NFX1: variants seen among roughly 807,000 people sequenced by gnomAD.
NFX1 encodes the protein nuclear transcription factor, X-box binding 1.
A neutral mutation model predicts 137.2 loss-of-function variants in NFX1; 69 were observed. The observed-to-expected ratio is 0.50, with a 90% CI of 0.41 to 0.61. NFX1 has a LOEUF of 0.61. Ranked by LOEUF, NFX1 falls within the 20% of genes least tolerant of loss-of-function variation. The pLI is 0.00. For missense variants in NFX1, 1,167 were observed against 1,391.0 expected, an observed-to-expected ratio of 0.84 and a Z score of 2.56; for synonymous variants, 495 against 474.1, an observed-to-expected ratio of 1.04 and a Z score of -0.57.
chr9:33,305,670 G>T (rs1413991433), intron 4 of NFX1, among the ~76,000 whole-genome samples: 1 of 152,200 alleles, frequency 6.6e-6, no homozygotes, highest in African/African-American at 2.4e-5. Context: ...AAAATATGGT[G>T]TTAGGTTGAT....
chr9:33,359,436 T>C (rs1053398194), intron 19 of NFX1, among the ~76,000 whole-genome samples: 3 of 151,934 alleles, frequency 2.0e-5, no homozygotes, highest in African/African-American at 7.2e-5. Flanking sequence ...CTGTCTCTAC[T>C]AAAAATACAA....
chr9:33,346,075 AC>A lies in NFX1; in HGVS notation c.2345-962del, dbSNP rs773104865. 7.7e-4 allele frequency among the ~76,000 whole-genome samples: 118 copies of A among 152,356 alleles called. 1 individual carries two copies. The highest frequency in any genetic ancestry group is 1.6e-3 in the Admixed American group (25 of 15,298). On this transcript the variant is annotated intron_variant, in intron 14 of 23. Transcript: ENST00000379540. The stretch of plus-strand genomic sequence containing the variant: ...AGTTAATGGAGTAAAACAGAACTTA[AC>A]AAATTCTTCATTAAGTGGAATGTTC...
At chr9:33,358,345 C>T (rs1311301793) in intron 19 of NFX1, among the ~76,000 whole-genome samples, 1 of 152,118 alleles carries the variant, frequency 6.6e-6, no homozygotes, top group Non-Finnish European at 1.5e-5. Context: ...AGGACAGTCT[C>T]AATCTCCTGA....
intron 11 of NFX1, among the ~76,000 whole-genome samples, chr9:33,336,462 C>T (rs1026752512): frequency 2.0e-5 from 3 of 152,172 alleles, no homozygotes; most frequent in African/African-American, 7.2e-5. Context: ...GATCCGCCTG[C>T]CTCAGCCTCT....
intron 7 of NFX1, among the ~76,000 whole-genome samples, chr9:33,314,193 A>G (rs1188201360): frequency 2.0e-5 from 3 of 151,942 alleles, no homozygotes; most frequent in Non-Finnish European, 4.4e-5. Context: ...AATGTTGGCC[A>G]GGCTGGTCTT....
intron 2 of NFX1, among the ~76,000 whole-genome samples, chr9:33,296,915 A>G (rs1354213997): frequency 1.3e-5 from 2 of 152,348 alleles, no homozygotes; most frequent in South Asian, 2.1e-4. Context: ...AAGCTCCTTA[A>G]AAACAGACAC....
chr9:33,316,859 A>C (rs1463068616), intron 7 of NFX1, among the ~76,000 whole-genome samples: 1 of 152,100 alleles, frequency 6.6e-6, no homozygotes, highest in African/African-American at 2.4e-5. Flanking sequence ...AGATTTTTTC[A>C]TCAGGAACTC....
At chr9:33,321,762 C>G (rs1822392805) in intron 9 of NFX1, among the ~76,000 whole-genome samples, 4 of 151,954 alleles carry the variant, frequency 2.6e-5, no homozygotes. Flanking sequence ...GCCTGTGGTC[C>G]CAGCTACTTG....
intron 5 of NFX1, among the ~76,000 whole-genome samples, chr9:33,310,721 C>T (rs751986608): frequency 2.6e-5 from 4 of 152,200 alleles, no homozygotes; most frequent in Non-Finnish European, 5.9e-5. Context: ...TTTGCTTAGA[C>T]TCTGATCTTC....
intron 1 of NFX1, among the ~76,000 whole-genome samples, chr9:33,290,917 C>T (rs1017241270): frequency 2.6e-5 from 4 of 152,200 alleles, no homozygotes; most frequent in African/African-American, 7.2e-5. Context: ...GGGCGTCGGC[C>T]AGGTCACAGC....
At chr9:33,354,249 A>T (rs1037212071) in intron 18 of NFX1, 62 bp downstream of exon 18, 17 of 1,298,178 alleles carry the variant, frequency 1.3e-5, no homozygotes, top group African/African-American at 7.4e-5. Context: ...TAGAGGGCAG[A>T]GATTATTCAT....
Position 33,307,201 on chromosome 9 carries a change from A to G in NFX1, c.1278A>G (p.Val426=), listed in dbSNP as rs1821784462. ...PNTYTCFCGK[V]KNPEWSRNEI... is the part of the protein sequence containing the mutation. Reference sequence around the variant, plus strand: ...TGATCTGATATGTTCTAGGCAAGGTAAAGAATCCTGAGTGGAGCAGAAATG... The same window carrying G: ...TGATCTGATATGTTCTAGGCAAGGTGAAGAATCCTGAGTGGAGCAGAAATG... Residue 426 remains valine, a synonymous_variant, in exon 5 of 24, where the codon GTA becomes GTG. Transcript: ENST00000379540. The G allele has an allele frequency of 1.2e-6, 2 of 1,613,948 alleles. No individual in the cohort carries two copies. Among genetic ancestry groups the G allele is most frequent in the African/African-American group, 1.3e-5 (1 of 74,934 alleles).
chr9:33,292,227 C>T (rs567208900), intron 1 of NFX1, among the ~76,000 whole-genome samples: 2 of 152,192 alleles, frequency 1.3e-5, no homozygotes, highest in African/African-American at 2.4e-5. Flanking sequence ...GTCCAAAGAC[C>T]TCCTTACTCC....
At chr9:33,322,289 T>C (rs1291020827) in intron 9 of NFX1, among the ~76,000 whole-genome samples, 2 of 152,020 alleles carry the variant, frequency 1.3e-5, no homozygotes, top group Admixed American at 6.6e-5. Flanking sequence ...TCTAAAACTC[T>C]GGTAAACAAC....
rs1451971621 is a variant in NFX1 at position 33,311,170 on chromosome 9, C to T, written c.1441C>T (p.Arg481Ter). ...TATGACAAAAACATGTGAATGTGGA[C>T]GAACCAGGTAAAGTTAAAATTACAC... ...AFMTKTCECG[R>*]TRHTVRCGQA... Residue 481 changes from arginine (R) to a stop codon, truncating the protein, a stop_gained, in exon 6 of 24, where the codon CGA becomes TGA. Transcript: ENST00000379540. LOFTEE classifies it high-confidence loss of function. The T allele has an allele frequency of 6.2e-7, 1 of 1,613,750 alleles. No homozygotes were observed. Among genetic ancestry groups the T allele is most frequent in the Non-Finnish European group, 8.5e-7 (1 of 1,179,826 alleles).
intron 5 of NFX1, among the ~76,000 whole-genome samples, chr9:33,308,756 A>G (rs957523347): frequency 6.6e-6 from 1 of 152,242 alleles, no homozygotes; most frequent in African/African-American, 2.4e-5. Flanking sequence ...AGTGATCAAA[A>G]AATGACAATT....
chr9:33,332,373 G>C (rs1410944590), intron 10 of NFX1, 99 bp from the exon 11 acceptor site: 7 of 1,137,402 alleles, frequency 6.2e-6, no homozygotes, highest in Non-Finnish European at 1.3e-6. Context: ...GAGAAGTATG[G>C]GATATTTGGG....
At chr9:33,363,954 T>C in intron 19 of NFX1, 56 bp from the exon 20 acceptor site, 1 of 1,241,580 alleles carries the variant, frequency 8.1e-7, no homozygotes, top group South Asian at 1.5e-5. Flanking sequence ...TCGGGGTTAC[T>C]GCAAGATAGT....
chr9:33,361,763 C>T (rs2118684294), intron 19 of NFX1, among the ~76,000 whole-genome samples: 1 of 148,726 alleles, frequency 6.7e-6, no homozygotes, highest in East Asian at 2.0e-4. Context: ...ACAAGAGCAG[C>T]CTGGGCGACA....
Sources: allele counts gnomAD v4.1 joint callset (sites outside exome capture counted in the v4.1 genomes callset), GRCh38; gene constraint gnomAD v4.1.1; transcripts MANE v1.5; gene names NCBI Gene and HGNC (gene_info 2026-07-23, HGNC 2026-07-21).